HS3ST4: variants seen among roughly 807,000 people sequenced by gnomAD.
HS3ST4 encodes heparan sulfate-glucosamine 3-sulfotransferase 4, also known as heparan sulfate glucosamine 3-O-sulfotransferase 4.
HS3ST4 carries 17 observed loss-of-function variants against 29.2 expected under a neutral mutation model. That is an observed-to-expected ratio of 0.58 (90% CI 0.40 to 0.87). The LOEUF is 0.87. Ranked by LOEUF, HS3ST4 falls within the 40% of genes least tolerant of loss-of-function variation. The probability of loss-of-function intolerance (pLI) is 0.00; values close to 1 mark genes in which losing one functional copy is unlikely to be tolerated. For missense variants in HS3ST4, 627 were observed against 634.5 expected, an observed-to-expected ratio of 0.99 and a Z score of 0.13; for synonymous variants, 314 against 285.7, an observed-to-expected ratio of 1.10 and a Z score of -1.00.
intron 1 of HS3ST4, among the ~76,000 whole-genome samples, chr16:25,926,318 T>C (rs1485850838): frequency 1.3e-5 from 2 of 152,222 alleles, no homozygotes; most frequent in African/African-American, 4.8e-5. Flanking sequence ...AATTCTGCCC[T>C]GTGAGCTTCT....
intron 1 of HS3ST4, among the ~76,000 whole-genome samples, chr16:25,927,936 C>A (rs939859815): frequency 2.0e-5 from 3 of 150,064 alleles, no homozygotes; most frequent in African/African-American, 4.9e-5. Flanking sequence ...CAGTGGCTCA[C>A]GCCTGTAATC....
chr16:25,765,163 G>T (rs531121248), intron 1 of HS3ST4, among the ~76,000 whole-genome samples: 59 of 152,294 alleles, frequency 3.9e-4, no homozygotes, highest in Non-Finnish European at 6.6e-4. Flanking sequence ...TCCAGAGGCC[G>T]CAGCCTTATT....
At chr16:25,871,222 A>T (rs898211224) in intron 1 of HS3ST4, among the ~76,000 whole-genome samples, 1 of 152,194 alleles carries the variant, frequency 6.6e-6, no homozygotes, top group Non-Finnish European at 1.5e-5. Flanking sequence ...GACACCTGCA[A>T]GAGAGAGGGC....
intron 1 of HS3ST4, among the ~76,000 whole-genome samples, chr16:25,827,546 A>C (rs1004727938): frequency 1.5e-5 from 2 of 134,160 alleles, no homozygotes; most frequent in African/African-American, 6.4e-5. Context: ...AAAAAAAAAA[A>C]ACAACAACAA....
intron 1 of HS3ST4, among the ~76,000 whole-genome samples, chr16:25,806,973 CT>C (rs972604993): frequency 2.0e-5 from 3 of 151,936 alleles, no homozygotes; most frequent in Non-Finnish European, 1.5e-5. Flanking sequence ...CTTTTGTTGC[CT>C]TTTTTGTTTT....
In HS3ST4 at chr16:25,693,016, C is replaced by T. The variant is rs1229651406; in HGVS notation, c.599C>T (p.Ala200Val). The change falls in exon 1 of 2, where the codon GCG (alanine) becomes GTG (valine). Residue 200 changes from alanine to valine, a missense_variant. Ala to Val is a moderately conservative substitution (Grantham distance 64). Transcript: ENST00000331351. ...TATGGGGAGAAGAAGCTGCCACAGG[C>T]GCTCATCATCGGGGTCAAGAAAGGA... ...PDYGEKKLPQALIIGVKKGGT... is the reference protein window; with the variant it reads ...PDYGEKKLPQVLIIGVKKGGT... 27 of 1,611,298 alleles carry T rather than the reference C, an allele frequency of 1.7e-5. No homozygotes were observed. Among genetic ancestry groups the T allele is most frequent in the East Asian group, 2.2e-5 (1 of 44,824 alleles).
chr16:25,918,445 T>C (rs1968314053), intron 1 of HS3ST4, among the ~76,000 whole-genome samples: 1 of 151,928 alleles, frequency 6.6e-6, no homozygotes, highest in Non-Finnish European at 1.5e-5. Context: ...TGAGGGGAGG[T>C]AGCACTACAT....
At chr16:26,071,393 G>A (rs905558649) in intron 1 of HS3ST4, among the ~76,000 whole-genome samples, 6 of 152,072 alleles carry the variant, frequency 3.9e-5, no homozygotes, top group Non-Finnish European at 8.8e-5. Context: ...AAGGGGTTGA[G>A]GAATCTAAGT....
intron 1 of HS3ST4, among the ~76,000 whole-genome samples, chr16:25,906,299 C>T (rs1459701263): frequency 1.3e-5 from 2 of 152,130 alleles, no homozygotes; most frequent in Non-Finnish European, 1.5e-5. Flanking sequence ...CATAAGTTCT[C>T]CTGAAAAGTG....
chr16:26,135,734 T>C lies in HS3ST4; in HGVS notation c.857T>C (p.Val286Ala), dbSNP rs779140172. 3.7e-6 allele frequency: 6 copies of C among 1,613,996 alleles called. No individual in the cohort carries two copies. The African/African-American group carries it at 6.7e-5, about 18-fold the overall frequency. ...SMAKDIKLIV[V>A]VRNPVTRAIS... is the part of the protein sequence containing the mutation. Reference sequence around the variant, plus strand: ...GCCAAGGACATCAAACTGATTGTGGTGGTGAGAAACCCCGTGACCAGGGCC... The same window carrying C: ...GCCAAGGACATCAAACTGATTGTGGCGGTGAGAAACCCCGTGACCAGGGCC... Residue 286 changes from valine to alanine, a missense_variant, in exon 2 of 2, where the codon GTG (valine) becomes GCG (alanine). By Grantham distance (64) the Val-to-Ala change is moderately conservative. Around this residue, in one of 2 missense-constraint regions of HS3ST4, gnomAD observed 225 missense variants for 293.7 expected, o/e 0.77. Coordinates refer to ENST00000331351, the MANE Select transcript of HS3ST4 (RefSeq NM_006040.3).
intron 1 of HS3ST4, among the ~76,000 whole-genome samples, chr16:25,789,478 C>T (rs2141619064): frequency 7.3e-6 from 1 of 137,400 alleles, no homozygotes; most frequent in South Asian, 2.3e-4. Flanking sequence ...TTCTTTCTTT[C>T]TTTCTCTTTC....
intron 1 of HS3ST4, among the ~76,000 whole-genome samples, chr16:26,072,871 T>C (rs1220750239): frequency 1.3e-5 from 2 of 152,212 alleles, no homozygotes; most frequent in Admixed American, 1.3e-4. Context: ...TCATTGAGTT[T>C]GGTGATTCTG....
At chr16:26,125,570 A>C (rs1596690695) in intron 1 of HS3ST4, among the ~76,000 whole-genome samples, 2 of 152,352 alleles carry the variant, frequency 1.3e-5, no homozygotes, top group East Asian at 3.9e-4. Flanking sequence ...CTGCTTTAGT[A>C]GAATCCTCAA....
intron 1 of HS3ST4, among the ~76,000 whole-genome samples, chr16:25,993,792 TA>T (rs1386410840): frequency 5.3e-5 from 8 of 152,182 alleles, no homozygotes; most frequent in Non-Finnish European, 8.8e-5. Context: ...TATAACCAAA[TA>T]CTGTAAACTA....
intron 1 of HS3ST4, among the ~76,000 whole-genome samples, chr16:25,760,816 A>T (rs147785845): frequency 6.6e-6 from 1 of 152,244 alleles, no homozygotes; most frequent in African/African-American, 2.4e-5. Context: ...TCAACATACA[A>T]TGTTTATTTT....
At chr16:25,745,718 G>C (rs981584146) in intron 1 of HS3ST4, among the ~76,000 whole-genome samples, 4 of 152,112 alleles carry the variant, frequency 2.6e-5, no homozygotes, top group South Asian at 2.1e-4. Context: ...CTGTATGTCA[G>C]TTTGTGTTTA....
At chr16:25,806,897 C>T (rs1022647942) in intron 1 of HS3ST4, among the ~76,000 whole-genome samples, 3 of 152,130 alleles carry the variant, frequency 2.0e-5, no homozygotes, top group Non-Finnish European at 4.4e-5. Context: ...AGTTTTCTCA[C>T]ATGCATAGGT....
At chr16:25,895,712 A>T (rs150261940) in intron 1 of HS3ST4, among the ~76,000 whole-genome samples, 1 of 150,682 alleles carries the variant, frequency 6.6e-6, no homozygotes, top group Non-Finnish European at 1.5e-5. Flanking sequence ...TTCTTGCTGT[A>T]TACTCACACA....
intron 1 of HS3ST4, among the ~76,000 whole-genome samples, chr16:25,925,484 C>T (rs149220542): frequency 3.9e-5 from 6 of 152,174 alleles, no homozygotes; most frequent in East Asian, 3.9e-4. Context: ...TCACAGATTA[C>T]GCCGCGACGC....
Sources: allele counts gnomAD v4.1 joint callset (sites outside exome capture counted in the v4.1 genomes callset), GRCh38; gene constraint gnomAD v4.1.1; regional missense constraint gnomAD v4.1.1; transcripts MANE v1.5; gene names NCBI Gene and HGNC (gene_info 2026-07-23, HGNC 2026-07-21).